Variants in MAPK10 observed in about 807,000 individuals in gnomAD.
MAPK10 encodes JNK3 alpha protein kinase.
A neutral mutation model predicts 59.3 loss-of-function variants in MAPK10; 25 were observed. That is an observed-to-expected ratio of 0.42 (90% CI 0.31 to 0.59). The LOEUF is 0.59. Ranked by LOEUF, MAPK10 falls within the 20% of genes least tolerant of loss-of-function variation. The probability of loss-of-function intolerance (pLI) is 0.15; values close to 1 mark genes in which losing one functional copy is unlikely to be tolerated. For missense variants in MAPK10, 351 were observed against 568.9 expected (o/e 0.62, Z 3.90); for synonymous variants, 190 against 200.5 (o/e 0.95, Z 0.44).
chr4:86,375,821 A>G (rs1453115163), intron 1 of MAPK10, among the ~76,000 whole-genome samples: 2 of 151,646 alleles, frequency 1.3e-5, no homozygotes, highest in East Asian at 1.9e-4. Flanking sequence ...TAAAGCAAGT[A>G]CCTCCTTCCC....
At chr4:86,222,614 T>C (rs2089880121) in intron 2 of MAPK10, among the ~76,000 whole-genome samples, 1 of 152,262 alleles carries the variant, frequency 6.6e-6, no homozygotes, top group Non-Finnish European at 1.5e-5. Context: ...CTTGTATTTA[T>C]AGCCTTTGCA....
In MAPK10 at chr4:86,106,817, C is replaced by G. The variant is rs192308434; in HGVS notation, c.366+406G>C. On this transcript the variant is annotated intron_variant, in intron 5 of 13. Transcript: ENST00000641462. The stretch of plus-strand genomic sequence containing the variant: ...GGAGATAACATGAATAAAACTCAAC[C>G]GTTGGCAATTAAATCTAAATTATAA... 298 of 152,240 alleles carry G rather than the reference C, an allele frequency of 2.0e-3. 3 individuals are homozygous for G. Among genetic ancestry groups the G allele is most frequent in the Non-Finnish European group, 5.3e-4 (36 of 68,328 alleles). The allele number at this position is 152,240 out of a possible 1,614,324, so 9.4% of individuals were successfully genotyped here.
At chr4:86,414,205 ACCCCTC>A (rs2149028999) in intron 1 of MAPK10, among the ~76,000 whole-genome samples, 2 of 152,002 alleles carry the variant, frequency 1.3e-5, no homozygotes, top group South Asian at 4.2e-4. Flanking sequence ...CAACCATTCT[ACCCCTC>A]ATCCATGATA....
intron 13 of MAPK10, among the ~76,000 whole-genome samples, chr4:86,019,976 A>G (rs1057008250): frequency 6.6e-6 from 1 of 152,150 alleles, no homozygotes; most frequent in African/African-American, 2.4e-5. Context: ...AAGAAATTTA[A>G]TTTTCATGAT....
chr4:86,067,819 G>A lies in MAPK10; in HGVS notation c.939C>T (p.Phe313=). ...KYAGLTFPKL[F]PDSLFPADSE... ...AGTCCGCTGGGAAGAGGGAATCTGG[G>A]AAGAGTTTGGGGAAGGTGAGTCCCG... The change falls in exon 10 of 14, where the codon TTC becomes TTT. Residue 313 remains phenylalanine, a synonymous_variant. Coordinates refer to ENST00000641462, the MANE Select transcript of MAPK10 (RefSeq NM_138982.4). 6.2e-7 allele frequency: 1 copy of A among 1,613,944 alleles called. No homozygotes were observed. The highest frequency in any genetic ancestry group is 8.5e-7 in the Non-Finnish European group (1 of 1,179,902).
intron 11 of MAPK10, among the ~76,000 whole-genome samples, chr4:86,037,738 A>G (rs962451042): frequency 6.6e-6 from 1 of 152,228 alleles, no homozygotes; most frequent in Non-Finnish European, 1.5e-5. Context: ...CAATTTTCAA[A>G]TGAGAATATA....
At chr4:86,158,848 G>A (rs2068648470) in intron 4 of MAPK10, among the ~76,000 whole-genome samples, 1 of 151,706 alleles carries the variant, frequency 6.6e-6, no homozygotes, top group Admixed American at 6.6e-5. Context: ...TTTCTAAATC[G>A]GTAACTCAGT....
intron 3 of MAPK10, among the ~76,000 whole-genome samples, chr4:86,166,066 C>T (rs548366307): frequency 6.6e-6 from 1 of 152,280 alleles, no homozygotes; most frequent in African/African-American, 2.4e-5. Context: ...TGCCTGCCTT[C>T]TTTACATACG....
At chr4:86,170,006 A>G (rs1253001821) in intron 3 of MAPK10, among the ~76,000 whole-genome samples, 2 of 152,228 alleles carry the variant, frequency 1.3e-5, no homozygotes, top group Non-Finnish European at 2.9e-5. Flanking sequence ...TACAGAAAGC[A>G]AATGCTGAGA....
At chr4:86,189,690 G>C (rs563995008) in intron 3 of MAPK10, among the ~76,000 whole-genome samples, 1 of 152,178 alleles carries the variant, frequency 6.6e-6, no homozygotes, top group Admixed American at 6.6e-5. Context: ...CATGTCATCT[G>C]CAAACAGAGA....
At chr4:86,246,982 A>G (rs2093136547) in intron 2 of MAPK10, among the ~76,000 whole-genome samples, 1 of 152,224 alleles carries the variant, frequency 6.6e-6, no homozygotes, top group Admixed American at 6.5e-5. Flanking sequence ...CAATCAGACT[A>G]AAGGTAAGAA....
chr4:86,121,994 T>G (rs2149115934), intron 4 of MAPK10, among the ~76,000 whole-genome samples: 1 of 152,246 alleles, frequency 6.6e-6, no homozygotes, highest in Admixed American at 6.5e-5. Context: ...ATCCTGCCAT[T>G]TAGTTCATCC....
chr4:86,091,536 A>ATTTTTTTTTTTTTT (rs71657508), intron 9 of MAPK10: 6 of 67,462 alleles, frequency 8.9e-5, no homozygotes, highest in Admixed American at 2.2e-4. Context: ...AAATCCCTTG[A>ATTTTTTTTTTTTTT]TTTTTTTTTT....
chr4:86,584,328 T>C (rs1762513931), intron 1 of MAPK10, among the ~76,000 whole-genome samples: 1 of 152,074 alleles, frequency 6.6e-6, no homozygotes, highest in African/African-American at 2.4e-5. Flanking sequence ...CTACAGTAAG[T>C]GACACTCAGG....
chr4:86,518,019 GGTTTT>G (rs1360382389), intron 1 of MAPK10, among the ~76,000 whole-genome samples: 1 of 151,776 alleles, frequency 6.6e-6, no homozygotes, highest in African/African-American at 2.4e-5. Flanking sequence ...TTTGGTTTTG[GGTTTT>G]GTTTTGTTTT....
chr4:86,438,300 T>C (rs1421596985), intron 1 of MAPK10, among the ~76,000 whole-genome samples: 1 of 152,190 alleles, frequency 6.6e-6, no homozygotes, highest in African/African-American at 2.4e-5. Flanking sequence ...AAAAATATGA[T>C]CATGCATTTT....
intron 3 of MAPK10, among the ~76,000 whole-genome samples, chr4:86,175,006 C>CTTTT (rs1442054725): frequency 5.8e-4 from 65 of 111,986 alleles, no homozygotes; most frequent in Non-Finnish European, 4.0e-5. Flanking sequence ...AATTTTACAC[C>CTTTT]TTTTGATCTA....
intron 1 of MAPK10, among the ~76,000 whole-genome samples, chr4:86,580,715 G>A (rs898815350): frequency 6.6e-5 from 10 of 152,106 alleles, no homozygotes; most frequent in African/African-American, 1.9e-4. Flanking sequence ...TTTAATGGGA[G>A]CTAAGGGGCT....
chr4:86,062,943 T>A (rs1290155469), intron 11 of MAPK10, among the ~76,000 whole-genome samples: 1 of 152,168 alleles, frequency 6.6e-6, no homozygotes, highest in Admixed American at 6.5e-5. Flanking sequence ...ATTGTAGGGA[T>A]ATTATTTGGT....
Sources: allele counts gnomAD v4.1 joint callset (sites outside exome capture counted in the v4.1 genomes callset), GRCh38; gene constraint gnomAD v4.1.1; transcripts MANE v1.5; gene names NCBI Gene and HGNC (gene_info 2026-07-23, HGNC 2026-07-21).